PAK1: variants seen among roughly 807,000 people sequenced by gnomAD.
PAK1 encodes the protein p21 (RAC1) activated kinase 1, also known as serine/threonine-protein kinase PAK 1.
PAK1 carries 29 observed loss-of-function variants against 67.4 expected under a neutral mutation model. The ratio of observed to expected loss-of-function variants is 0.43; its 90% CI spans 0.32 to 0.59. The LOEUF is 0.59. Ranked by LOEUF, PAK1 falls within the 20% of genes least tolerant of loss-of-function variation. PAK1 has a pLI of 0.07. For synonymous variants in PAK1, 223 were observed against 237.4 expected (o/e 0.94, Z 0.56); for missense variants, 337 against 670.7 (o/e 0.50, Z 5.50).
At chr11:77,377,129 G>T (rs2137034443) in intron 4 of PAK1, among the ~76,000 whole-genome samples, 1 of 152,130 alleles carries the variant, frequency 6.6e-6, no homozygotes, top group South Asian at 2.1e-4. Flanking sequence ...ACAAAAATTA[G>T]CTGGGGGTGG....
At chr11:77,490,339 A>G in the PAK1 span, among the ~76,000 whole-genome samples, 3 of 128,236 alleles carry the variant, frequency 2.3e-5, no homozygotes, top group African/African-American at 6.7e-5. Flanking sequence ...TGGGGGGGTC[A>G]GCCCCCCACC....
At chr11:77,374,135 G>A (rs1023878948) in intron 5 of PAK1, among the ~76,000 whole-genome samples, 193 bp downstream of exon 5, 2 of 152,072 alleles carry the variant, frequency 1.3e-5, no homozygotes, top group African/African-American at 4.8e-5. Flanking sequence ...GAATTTCTAG[G>A]ACATTAAAGC....
intron 1 of PAK1, among the ~76,000 whole-genome samples, chr11:77,398,265 A>G (rs955817566): frequency 6.6e-6 from 1 of 151,926 alleles, no homozygotes; most frequent in Non-Finnish European, 1.5e-5. Flanking sequence ...GCCCTCCACT[A>G]CCCTTTCCAG....
the PAK1 span, among the ~76,000 whole-genome samples, chr11:77,511,282 G>A: frequency 2.7e-4 from 41 of 152,092 alleles, no homozygotes; most frequent in Non-Finnish European, 5.1e-4. Context: ...CAAAAACATC[G>A]AGAACACCAG....
At chr11:77,433,220 G>GTT (rs1238297122) in intron 1 of PAK1, among the ~76,000 whole-genome samples, 13 of 152,294 alleles carry the variant, frequency 8.5e-5, no homozygotes, top group African/African-American at 2.6e-4. Flanking sequence ...AGCTTTAACT[G>GTT]TAAGAGCTAA....
In PAK1 at chr11:77,374,357, C is replaced by G. The variant is rs750682827; in HGVS notation, c.448G>C (p.Ala150Pro). 2 of 1,595,578 alleles carry G rather than the reference C, an allele frequency of 1.3e-6. No homozygotes were observed. The highest frequency in any genetic ancestry group is 1.3e-5 in the African/African-American group (1 of 74,554). The change falls in exon 5 of 15, where the codon GCT becomes CCT. Residue 150 changes from alanine (A) to proline (P), a missense_variant. By Grantham distance (27) the Ala-to-Pro change is conservative (BLOSUM62 -1). This residue lies in a region of PAK1 where 150 missense variants were observed against 179.0 expected (regional missense o/e 0.84). Coordinates refer to ENST00000356341, the MANE Select transcript of PAK1 (RefSeq NM_002576.5). ...QKYMSFTDKS[A>P]EDYNSSNALN... ...GCATTAGAAGAATTGTAATCCTCAG[C>G]TGACTTATCTGCACAGGAAGAAAAA...
At chr11:77,369,185 T>G (rs1237720809) in intron 5 of PAK1, among the ~76,000 whole-genome samples, 1 of 152,054 alleles carries the variant, frequency 6.6e-6, no homozygotes, top group Non-Finnish European at 1.5e-5. Flanking sequence ...TTCTCTTTAT[T>G]CTTGGATCTC....
intron 14 of PAK1, among the ~76,000 whole-genome samples, chr11:77,326,721 T>C (rs1400341938): frequency 2.0e-5 from 3 of 151,894 alleles, no homozygotes; most frequent in Non-Finnish European, 4.4e-5. Context: ...ACTCTAAAAA[T>C]CAGAGCGCCT....
intron 13 of PAK1, among the ~76,000 whole-genome samples, chr11:77,334,191 T>TA (rs1565580599): frequency 6.7e-6 from 1 of 149,936 alleles, no homozygotes; most frequent in African/African-American, 2.5e-5. Context: ...AAAATAAAAA[T>TA]AAAAAAATAA....
chr11:77,466,936 T>C (rs924309374), intron 1 of PAK1, among the ~76,000 whole-genome samples: 1 of 152,200 alleles, frequency 6.6e-6, no homozygotes, highest in African/African-American at 2.4e-5. Flanking sequence ...CAGGGGATTG[T>C]CCAAAGAATA....
the PAK1 span, among the ~76,000 whole-genome samples, chr11:77,505,803 C>T: frequency 6.6e-6 from 1 of 152,148 alleles, no homozygotes; most frequent in Non-Finnish European, 1.5e-5. Flanking sequence ...TTATCATCAT[C>T]TGTTGATGGG....
chr11:77,365,169 T>C (rs1947329771), intron 5 of PAK1, among the ~76,000 whole-genome samples: 1 of 149,866 alleles, frequency 6.7e-6, no homozygotes, highest in South Asian at 2.1e-4. Context: ...GGAGAATCGC[T>C]TGAACTCAGG....
upstream of PAK1, among the ~76,000 whole-genome samples, chr11:77,478,673 G>A (rs1254952916): frequency 5.9e-5 from 9 of 152,038 alleles, no homozygotes; most frequent in South Asian, 2.1e-4. Flanking sequence ...CCAGCTGCTA[G>A]GGAGGCTGAG....
chr11:77,489,268 G>A, the PAK1 span, among the ~76,000 whole-genome samples: 2 of 152,124 alleles, frequency 1.3e-5, no homozygotes, highest in South Asian at 4.1e-4. Flanking sequence ...AAAGCTGAGG[G>A]ATTTCATCAA....
the PAK1 span, among the ~76,000 whole-genome samples, chr11:77,503,331 A>G: frequency 6.6e-6 from 1 of 152,290 alleles, no homozygotes; most frequent in South Asian, 2.1e-4. Flanking sequence ...CAAAGATAAA[A>G]CCAGCTGCTC....
chr11:77,388,980 T>C (rs1271552470), intron 2 of PAK1, among the ~76,000 whole-genome samples: 1 of 152,216 alleles, frequency 6.6e-6, no homozygotes, highest in Non-Finnish European at 1.5e-5. Flanking sequence ...CAATGGCTTT[T>C]AATATATTCA....
chr11:77,528,468 T>C, the PAK1 span, among the ~76,000 whole-genome samples: 1 of 152,014 alleles, frequency 6.6e-6, no homozygotes, highest in Non-Finnish European at 1.5e-5. Flanking sequence ...CAAGTGATTC[T>C]CCCACCTCGG....
At chr11:77,376,655 T>G (rs1162871160) in intron 4 of PAK1, among the ~76,000 whole-genome samples, 2 of 148,082 alleles carry the variant, frequency 1.4e-5, no homozygotes, top group African/African-American at 5.0e-5. Flanking sequence ...AAGAATTGCA[T>G]GAACCCAGGA....
chr11:77,328,190 AC>A (rs1386536509), intron 14 of PAK1, among the ~76,000 whole-genome samples: 3 of 152,208 alleles, frequency 2.0e-5, no homozygotes, highest in African/African-American at 7.2e-5. Flanking sequence ...ATAATGGGAG[AC>A]TTTAACACCC....
Sources: gnomAD v4.1 joint callset for allele counts (sites outside exome capture counted in the v4.1 genomes callset) on GRCh38, gnomAD v4.1.1 for gene constraint, gnomAD v4.1.1 regional missense constraint, MANE v1.5 for transcripts, NCBI Gene and HGNC (gene_info 2026-07-23, HGNC 2026-07-21) for gene names.